The following EFCAB13 variants were observed in gnomAD, a reference collection of about 807,000 sequenced individuals.
EFCAB13 encodes EF-hand calcium binding domain 13.
In EFCAB13, 91 loss-of-function variants were observed where a neutral mutation model predicts 110.2. That is an observed-to-expected ratio of 0.83 (90% CI 0.70 to 0.98). EFCAB13 has a LOEUF of 0.98. Among genes scored for constraint, EFCAB13 ranks in the 50% least tolerant of loss-of-function variants. The pLI is 0.00. For synonymous variants in EFCAB13, 323 were observed against 369.9 expected, an observed-to-expected ratio of 0.87 and a Z score of 1.45; for missense variants, 968 against 1,119.4, an observed-to-expected ratio of 0.86 and a Z score of 1.93.
chr17:47,396,023 C>T (rs780294898), intron 17 of EFCAB13, 46 bp downstream of exon 17: 7 of 1,501,060 alleles, frequency 4.7e-6, no homozygotes, highest in Non-Finnish European at 5.4e-6. Context: ...CAAGATATTA[C>T]TTTATTTTCT....
intron 10 of EFCAB13, among the ~76,000 whole-genome samples, chr17:47,366,005 T>A (rs1186570140): frequency 6.6e-6 from 1 of 152,152 alleles, no homozygotes; most frequent in East Asian, 1.9e-4. Context: ...AATTTTTCTG[T>A]AGCAGAATTT....
intron 4 of EFCAB13, 114 bp from the exon 5 acceptor site, chr17:47,335,082 G>A (rs2065341569): frequency 1.2e-5 from 14 of 1,189,518 alleles, no homozygotes; most frequent in Non-Finnish European, 1.6e-5. Flanking sequence ...ATTCTCTTCG[G>A]TAGCACTATT....
intron 23 of EFCAB13, among the ~76,000 whole-genome samples, chr17:47,416,214 C>A (rs781092320): frequency 7.2e-5 from 11 of 152,102 alleles, no homozygotes; most frequent in Non-Finnish European, 1.0e-4. Context: ...GCAACCATCA[C>A]AACTTTCTAA....
chr17:47,354,793 A>G (rs948675466), intron 9 of EFCAB13, among the ~76,000 whole-genome samples: 2 of 152,178 alleles, frequency 1.3e-5, no homozygotes, highest in East Asian at 3.8e-4. Context: ...TGAAGACAGC[A>G]GATACTTGGT....
intron 18 of EFCAB13, 77 bp downstream of exon 18, chr17:47,402,280 G>A (rs761869852): frequency 1.0e-5 from 13 of 1,304,122 alleles, no homozygotes; most frequent in Non-Finnish European, 1.4e-5. Flanking sequence ...TTTTAATGCT[G>A]TGTGTTCACC....
In EFCAB13 at chr17:47,422,165, C is replaced by A. The variant is rs111816581; in HGVS notation, c.2494+7246C>A. ...TTAATTAACAAAAATAAAAATAATT[C>A]TTCATATTACAAAATAAAGGAGGAA... On this transcript the variant is annotated intron_variant, in intron 23 of 24. Coordinates refer to ENST00000331493, the MANE Select transcript of EFCAB13 (RefSeq NM_152347.5). Among the ~76,000 whole-genome samples the A allele has an allele frequency of 8.8e-3, 1,337 of 152,136 alleles. 20 individuals carry two copies. Among genetic ancestry groups the A allele is most frequent in the African/African-American group, 0.031 (1,282 of 41,504 alleles).
chr17:47,396,124 TAAAG>T (rs1357528241), intron 17 of EFCAB13, 147 bp downstream of exon 17: 1 of 550,792 alleles, frequency 1.8e-6, no homozygotes, highest in African/African-American at 1.9e-5. Flanking sequence ...AAATATTGTA[TAAAG>T]AAAGTTCAGA....
rs140472108 is a variant in EFCAB13 at position 47,358,073 on chromosome 17, G to A, written c.662-3305G>A. ...AACACACATAATTCTTGAATATATT[G>A]TTGTAATAAAATATCCAAGCAATAT... is the stretch of plus-strand genomic sequence containing the variant. On this transcript the variant is annotated intron_variant, in intron 9 of 24. Coordinates refer to ENST00000331493, the MANE Select transcript of EFCAB13 (RefSeq NM_152347.5). 5.3e-5 allele frequency among the ~76,000 whole-genome samples: 8 copies of A among 152,152 alleles called. No homozygotes were observed. The East Asian group carries it at 1.5e-3, about 29-fold the overall frequency.
intron 23 of EFCAB13, among the ~76,000 whole-genome samples, chr17:47,423,805 C>T (rs1171262004): frequency 1.3e-5 from 2 of 152,036 alleles, no homozygotes; most frequent in Non-Finnish European, 2.9e-5. Flanking sequence ...TGCACCTCAC[C>T]CTCCTGCACC....
Position 47,347,952 on chromosome 17 carries a change from G to C in EFCAB13, c.661+1G>C, listed in dbSNP as rs1567783727. On this transcript the variant is annotated splice_donor_variant, in intron 9 of 24. Transcript: ENST00000331493. LOFTEE classifies it high-confidence loss of function. Reference sequence around the variant, plus strand: ...GCACTAAAGACTGTTGATATTGATGGTAAGTTTTATCTTTTCAGTATTAGT... The same window carrying C: ...GCACTAAAGACTGTTGATATTGATGCTAAGTTTTATCTTTTCAGTATTAGT... 1 of 1,452,072 alleles carries C rather than the reference G, an allele frequency of 6.9e-7. No homozygotes were observed. The highest frequency in any genetic ancestry group is 2.4e-5 in the East Asian group (1 of 41,480). 89.9% of individuals were successfully genotyped at this position (1,452,072 alleles called of 1,614,324 possible).
In EFCAB13 at chr17:47,344,179, G is replaced by A; in HGVS notation, c.321G>A (p.Leu107=). ...GGCTCTAGATTATCCCTCCTTTTCTGAAGCTGTCAAAGGAGAAGGTGACAA... is the reference window on the plus strand; with the variant it reads ...GGCTCTAGATTATCCCTCCTTTTCTAAAGCTGTCAAAGGAGAAGGTGACAA... ...SKRTEIIPPF[L]KLSKEKVTRK... The change falls in exon 7 of 25, where the codon CTG becomes CTA. Residue 107 remains leucine (L), a synonymous_variant. Coordinates refer to ENST00000331493, the MANE Select transcript of EFCAB13 (RefSeq NM_152347.5). 6.2e-7 allele frequency: 1 copy of A among 1,612,826 alleles called. No homozygotes were observed. The highest frequency in any genetic ancestry group is 8.5e-7 in the Non-Finnish European group (1 of 1,179,166).
At chr17:47,429,749 T>C in intron 23 of EFCAB13, 69 bp from the exon 24 acceptor site, 2 of 1,474,986 alleles carry the variant, frequency 1.4e-6, no homozygotes, top group Non-Finnish European at 1.8e-6. Context: ...CTGAGGCTAT[T>C]AAGTGATAAC....
Position 47,325,923 on chromosome 17 carries a change from A to AATATATATATATATATAT in EFCAB13, c.-247-281_-247-264dup, listed in dbSNP as rs60735562. 8.1e-4 allele frequency among the ~76,000 whole-genome samples: 83 copies of AATATATATATATATATAT among 102,540 alleles called. 1 individual carries two copies. Among genetic ancestry groups the AATATATATATATATATAT allele is most frequent in the East Asian group, 1.8e-3 (5 of 2,828 alleles). 67.3% of individuals were successfully genotyped at this position (102,540 alleles called of 152,430 possible). A position where few individuals can be genotyped will look rare whatever the true frequency, so the allele number is the denominator to read the frequency against. On this transcript the variant is annotated intron_variant, in intron 2 of 24. Transcript: ENST00000331493. ...GCAGATTTTATATATATATAAACAAAATATATATATATATATATATATATA... is the reference window on the plus strand; with the variant it reads ...GCAGATTTTATATATATATAAACAAAATATATATATATATATATATATATATATATATATATATATATA...
chr17:47,401,066 T>C (rs1159118165), intron 17 of EFCAB13, among the ~76,000 whole-genome samples: 2 of 152,180 alleles, frequency 1.3e-5, no homozygotes, highest in African/African-American at 4.8e-5. Flanking sequence ...CCTTTACAGT[T>C]AGTGATATAT....
At chr17:47,406,645 C>T (rs2065807055) in intron 20 of EFCAB13, among the ~76,000 whole-genome samples, 1 of 152,106 alleles carries the variant, frequency 6.6e-6, no homozygotes, top group African/African-American at 2.4e-5. Context: ...TCTTGGAAGT[C>T]CTTATGACTT....
At chr17:47,359,635 A>T (rs994971186) in intron 9 of EFCAB13, among the ~76,000 whole-genome samples, 8 of 130,562 alleles carry the variant, frequency 6.1e-5, no homozygotes, top group Admixed American at 1.7e-4. Flanking sequence ...TTTTTTTATT[A>T]TTATTATACT....
intron 3 of EFCAB13, among the ~76,000 whole-genome samples, chr17:47,327,152 CTTTAT>C (rs1395144721): frequency 1.3e-5 from 2 of 151,048 alleles, no homozygotes; most frequent in South Asian, 2.1e-4. Context: ...TCTTTTCTTT[CTTTAT>C]TTTGTTTTGT....
chr17:47,344,936 A>G (rs2143267882), intron 7 of EFCAB13, 80 bp from the exon 8 acceptor site: 1 of 1,029,912 alleles, frequency 9.7e-7, no homozygotes, highest in Non-Finnish European at 1.5e-6. Context: ...ATCTCAGACT[A>G]TTGGTAAGTT....
At chr17:47,341,646 C>G (rs1334797486) in intron 5 of EFCAB13, among the ~76,000 whole-genome samples, 5 of 152,014 alleles carry the variant, frequency 3.3e-5, no homozygotes, top group African/African-American at 4.8e-5. Flanking sequence ...CAGGTGTGCA[C>G]CTCCGTACCC....
Sources: gnomAD v4.1 joint callset for allele counts (sites outside exome capture counted in the v4.1 genomes callset) on GRCh38, gnomAD v4.1.1 for gene constraint, MANE v1.5 for transcripts, NCBI Gene and HGNC (gene_info 2026-07-23, HGNC 2026-07-21) for gene names.